Variants in AMPH observed in about 807,000 individuals in gnomAD.
AMPH encodes amphiphysin.
In AMPH, 49 loss-of-function variants were observed where a neutral mutation model predicts 99.1. The ratio of observed to expected loss-of-function variants is 0.49; its 90% CI spans 0.39 to 0.63. The LOEUF is 0.63. Ranked by LOEUF, AMPH falls within the 20% of genes least tolerant of loss-of-function variation. The pLI, the probability that AMPH is intolerant of heterozygous loss-of-function variation, is 0.00. For missense variants in AMPH, 759 were observed against 863.4 expected, an observed-to-expected ratio of 0.88 and a Z score of 1.52; for synonymous variants, 314 against 317.3, an observed-to-expected ratio of 0.99 and a Z score of 0.11.
Position 38,461,320 on chromosome 7 carries a change from T to C in AMPH, c.980A>G (p.Asn327Ser), listed in dbSNP as rs1408270664. The change falls in exon 11 of 21, where the codon AAC (asparagine) becomes AGC (serine). Residue 327 changes from asparagine to serine, a missense_variant. Transcript: ENST00000356264. ...TGTCACACTGATTTCTGGAACAAAG[T>C]TGTCCTCAAAGAAACTGATGATGTT... ...QENIISFFED[N>S]FVPEISVTTP... is the part of the protein sequence containing the mutation. 1.2e-6 allele frequency: 2 copies of C among 1,613,986 alleles called. No homozygotes were observed. Among genetic ancestry groups the C allele is most frequent in the African/African-American group, 1.3e-5 (1 of 74,926 alleles).
chr7:38,564,779 A>G (rs1791671783), intron 1 of AMPH, among the ~76,000 whole-genome samples: 4 of 152,176 alleles, frequency 2.6e-5, no homozygotes, highest in Admixed American at 2.6e-4. Flanking sequence ...GAAGTGGTGA[A>G]AAAACCTTAT....
chr7:38,405,748 A>G (rs894420364), intron 17 of AMPH, among the ~76,000 whole-genome samples: 2 of 152,194 alleles, frequency 1.3e-5, no homozygotes, highest in Non-Finnish European at 2.9e-5. Flanking sequence ...CTGAGAAAAG[A>G]GATAGTCATC....
At chr7:38,440,516 T>G (rs1416157542) in intron 11 of AMPH, among the ~76,000 whole-genome samples, 4 of 152,084 alleles carry the variant, frequency 2.6e-5, no homozygotes, top group African/African-American at 7.2e-5. Flanking sequence ...TATATGTGAG[T>G]TTTTATTATT....
chr7:38,473,077 C>T (rs1787944072), intron 7 of AMPH, among the ~76,000 whole-genome samples: 2 of 152,158 alleles, frequency 1.3e-5, no homozygotes, highest in Admixed American at 1.3e-4. Flanking sequence ...GCAATTCTGG[C>T]AATTTCCCCA....
intron 7 of AMPH, among the ~76,000 whole-genome samples, chr7:38,469,953 C>T (rs1267586626): frequency 1.3e-5 from 2 of 152,162 alleles, no homozygotes; most frequent in Non-Finnish European, 2.9e-5. Context: ...TGAGCTCCCT[C>T]ATTCATTCAT....
At chr7:38,422,331 T>G in intron 16 of AMPH, 90 bp downstream of exon 16, 1 of 1,091,764 alleles carries the variant, frequency 9.2e-7, no homozygotes, top group Non-Finnish European at 1.3e-6. Context: ...ATTCTGGATA[T>G]TCAAACTCTA....
chr7:38,566,624 G>A (rs569339116), intron 1 of AMPH, among the ~76,000 whole-genome samples: 20 of 152,126 alleles, frequency 1.3e-4, no homozygotes, highest in Middle Eastern at 3.4e-3. Context: ...TACAGAATGC[G>A]AGAAAATTTT....
chr7:38,401,126 C>T (rs7802967), intron 17 of AMPH, among the ~76,000 whole-genome samples: 2 of 152,058 alleles, frequency 1.3e-5, no homozygotes, highest in African/African-American at 2.4e-5. Context: ...GTTCTATTAG[C>T]ATTAAACACT....
chr7:38,624,383 T>C (rs1794172973), intron 1 of AMPH, among the ~76,000 whole-genome samples: 1 of 149,828 alleles, frequency 6.7e-6, no homozygotes, highest in Non-Finnish European at 1.5e-5. Flanking sequence ...TTATTATTAT[T>C]AGTATTAGTA....
chr7:38,490,909 A>C, intron 5 of AMPH, 141 bp downstream of exon 5: 1 of 574,400 alleles, frequency 1.7e-6, no homozygotes, highest in Non-Finnish European at 3.1e-6. Flanking sequence ...CAACATAAAA[A>C]TCCCACGCTT....
chr7:38,560,744 C>T (rs1432662438), intron 1 of AMPH, among the ~76,000 whole-genome samples: 1 of 152,202 alleles, frequency 6.6e-6, no homozygotes, highest in Non-Finnish European at 1.5e-5. Flanking sequence ...TTGAGTACCA[C>T]TCCTAGGGTG....
chr7:38,604,492 A>C (rs1486160179), intron 1 of AMPH, among the ~76,000 whole-genome samples: 1 of 152,220 alleles, frequency 6.6e-6, no homozygotes, highest in East Asian at 1.9e-4. Flanking sequence ...ACACTGCCCC[A>C]GCCCTGCACA....
intron 17 of AMPH, among the ~76,000 whole-genome samples, chr7:38,411,231 T>G (rs1785208233): frequency 6.6e-6 from 1 of 152,174 alleles, no homozygotes; most frequent in Non-Finnish European, 1.5e-5. Flanking sequence ...AGAGAATGCA[T>G]GACAATGCTA....
chr7:38,521,621 T>C (rs1789967404), intron 2 of AMPH, among the ~76,000 whole-genome samples: 1 of 152,028 alleles, frequency 6.6e-6, no homozygotes, highest in Non-Finnish European at 1.5e-5. Flanking sequence ...GAGTAGAACA[T>C]ACCCCTCCAT....
In AMPH at chr7:38,456,793, C is replaced by T. The variant is rs2129006110; in HGVS notation, c.1017+4490G>A. ...AGCCACCTGGAGCCCAAGAATCAGC[C>T]TGTCTGGACTCACTAACACTGGAGC... is the stretch of plus-strand genomic sequence containing the variant. On this transcript the variant is annotated intron_variant, in intron 11 of 20. Transcript: ENST00000356264. Among the ~76,000 whole-genome samples, 2 of 152,332 alleles carry T rather than the reference C, an allele frequency of 1.3e-5. 1 individual carries two copies. The highest frequency in any genetic ancestry group is 4.1e-4 in the South Asian group (2 of 4,834).
chr7:38,576,417 C>A (rs1792247178), intron 1 of AMPH, among the ~76,000 whole-genome samples: 1 of 152,086 alleles, frequency 6.6e-6, no homozygotes, highest in Admixed American at 6.6e-5. Context: ...TAAACTATGG[C>A]AATTTTCATT....
intron 11 of AMPH, among the ~76,000 whole-genome samples, chr7:38,452,362 A>G (rs1211792642): frequency 6.6e-6 from 1 of 152,218 alleles, no homozygotes; most frequent in Non-Finnish European, 1.5e-5. Flanking sequence ...TCTAGTTTTC[A>G]ATGCTGTACT....
chr7:38,455,423 T>C (rs1289408876), intron 11 of AMPH, among the ~76,000 whole-genome samples: 1 of 152,194 alleles, frequency 6.6e-6, no homozygotes, highest in African/African-American at 2.4e-5. Flanking sequence ...AGAAAACTAG[T>C]ACATGCTTCT....
intron 15 of AMPH, 109 bp from the exon 16 acceptor site, chr7:38,422,586 CT>C: frequency 1.3e-6 from 1 of 787,058 alleles, no homozygotes; most frequent in African/African-American, 1.8e-5. Flanking sequence ...ATCTATCTAT[CT>C]ATCTATCTAT....
Sources: allele counts gnomAD v4.1 joint callset (sites outside exome capture counted in the v4.1 genomes callset), GRCh38; gene constraint gnomAD v4.1.1; transcripts MANE v1.5; gene names NCBI Gene and HGNC (gene_info 2026-07-23, HGNC 2026-07-21).